The following PEBP4 variants were observed in gnomAD, a reference collection of about 807,000 sequenced individuals.
PEBP4 encodes the protein phosphatidylethanolamine-binding protein 4.
PEBP4 carries 22 observed loss-of-function variants against 23.9 expected under a neutral mutation model. That is an observed-to-expected ratio of 0.92 (90% CI 0.66 to 1.31). The LOEUF (loss-of-function observed/expected upper bound fraction) is 1.31, where lower values mean the gene tolerates loss of function less well. Ranked by LOEUF, PEBP4 falls within the 40% of genes most tolerant of loss-of-function variation. The pLI is 0.00. For missense variants in PEBP4, 324 were observed against 281.7 expected (o/e 1.15, Z -1.07); for synonymous variants, 112 against 99.3 (o/e 1.13, Z -0.76).
rs555617347 is a variant in PEBP4 at position 22,912,168 on chromosome 8, G to A, written c.258+8016C>T. Among the ~76,000 whole-genome samples the A allele has an allele frequency of 3.9e-5, 6 of 152,306 alleles. No individual in the cohort carries two copies. In the South Asian group the frequency reaches 1.2e-3, roughly 32 times the overall value. On this transcript the variant is annotated intron_variant, in intron 3 of 6. Transcript: ENST00000256404. ...ATTAAGACTGGGAATCCTCCTAATG[G>A]AGCCACCCTGAGTAAGACAGTCGCC...
intron 3 of PEBP4, among the ~76,000 whole-genome samples, chr8:22,839,243 ATCACGGGAT>A (rs974381133): frequency 1.4e-4 from 21 of 152,148 alleles, no homozygotes; most frequent in Non-Finnish European, 2.9e-5. Flanking sequence ...GGTGTTGGTC[ATCACGGGAT>A]TCAGCCCCAG....
intron 3 of PEBP4, among the ~76,000 whole-genome samples, chr8:22,895,035 G>A (rs1808563736): frequency 6.6e-6 from 1 of 152,176 alleles, no homozygotes; most frequent in Non-Finnish European, 1.5e-5. Flanking sequence ...TGAAACAGTA[G>A]ACTTTCACAC....
chr8:22,912,210 C>A (rs1369241903), intron 3 of PEBP4, among the ~76,000 whole-genome samples: 3 of 152,170 alleles, frequency 2.0e-5, no homozygotes, highest in Non-Finnish European at 4.4e-5. Context: ...CGTGGCCGTT[C>A]TGTTAAGGTT....
intron 3 of PEBP4, among the ~76,000 whole-genome samples, chr8:22,824,835 G>A (rs1272525782): frequency 6.6e-6 from 1 of 152,124 alleles, no homozygotes; most frequent in African/African-American, 2.4e-5. Context: ...GGAATGATGG[G>A]GAGTGGCTGT....
chr8:22,848,769 C>T (rs185955394), intron 3 of PEBP4, among the ~76,000 whole-genome samples: 358 of 152,170 alleles, frequency 2.4e-3, no homozygotes, highest in Non-Finnish European at 3.7e-3. Context: ...AGGGAAGAGA[C>T]GATGATGAGT....
At chr8:22,856,064 A>AAG (rs1807640436) in intron 3 of PEBP4, among the ~76,000 whole-genome samples, 1 of 151,172 alleles carries the variant, frequency 6.6e-6, no homozygotes, top group South Asian at 2.1e-4. Flanking sequence ...AAAAAAAAAA[A>AAG]AAAGGAAACC....
chr8:22,934,346 C>A (rs556952746), intron 1 of PEBP4, among the ~76,000 whole-genome samples: 4 of 152,202 alleles, frequency 2.6e-5, no homozygotes, highest in African/African-American at 9.6e-5. Context: ...TGTTTGTATG[C>A]AATTGAAGTT....
chr8:22,802,958 C>T (rs1242254129), intron 4 of PEBP4, among the ~76,000 whole-genome samples: 1 of 152,174 alleles, frequency 6.6e-6, no homozygotes, highest in African/African-American at 2.4e-5. Flanking sequence ...AGCAGCGTCA[C>T]CAGCTAGCAA....
At chr8:22,882,333 T>G (rs1311690484) in intron 3 of PEBP4, among the ~76,000 whole-genome samples, 1 of 152,302 alleles carries the variant, frequency 6.6e-6, no homozygotes, top group African/African-American at 2.4e-5. Flanking sequence ...ACCCAGACAG[T>G]GCTGGCCACA....
At chr8:22,932,198 A>G (rs1009113754), upstream of PEBP4, among the ~76,000 whole-genome samples, 11 of 152,204 alleles carry the variant, frequency 7.2e-5, no homozygotes, top group Non-Finnish European at 7.3e-5. Flanking sequence ...GCAAATACAC[A>G]GGGACAGAAA....
intron 4 of PEBP4, among the ~76,000 whole-genome samples, chr8:22,749,847 C>CCCAGCCTG (rs1289202699): frequency 1.9e-5 from 2 of 104,964 alleles, no homozygotes; most frequent in Non-Finnish European, 3.9e-5. Context: ...GCTCTTGTTG[C>CCCAGCCTG]CCAGCCTGGA....
At chr8:22,738,456 C>G (rs1804917453) in intron 4 of PEBP4, among the ~76,000 whole-genome samples, 1 of 152,162 alleles carries the variant, frequency 6.6e-6, no homozygotes, top group Non-Finnish European at 1.5e-5. Flanking sequence ...CCAGAAACTG[C>G]TCGGTGATGG....
chr8:22,791,092 A>G (rs1806127416), intron 4 of PEBP4, among the ~76,000 whole-genome samples: 1 of 152,146 alleles, frequency 6.6e-6, no homozygotes, highest in African/African-American at 2.4e-5. Context: ...TTGCTGCACC[A>G]TTGCCCTAAA....
chr8:22,770,975 C>G (rs1805707224), intron 4 of PEBP4, among the ~76,000 whole-genome samples: 1 of 152,222 alleles, frequency 6.6e-6, no homozygotes, highest in Non-Finnish European at 1.5e-5. Context: ...TCTCAACTCA[C>G]TCACTCGTGA....
chr8:22,886,580 G>A (rs1808380817), intron 3 of PEBP4: 1 of 152,302 alleles, frequency 6.6e-6, no homozygotes, highest in Non-Finnish European at 1.5e-5. Context: ...CTTTCAGTTT[G>A]GAGCCATGCA....
chr8:22,837,986 T>A (rs890832432), intron 3 of PEBP4, among the ~76,000 whole-genome samples: 20 of 139,130 alleles, frequency 1.4e-4, no homozygotes, highest in African/African-American at 5.3e-4. Context: ...GCAACCTCAA[T>A]CTCCTGGGCT....
upstream of PEBP4, chr8:22,928,009 G>T: frequency 2.7e-6 from 1 of 368,312 alleles, no homozygotes; most frequent in Non-Finnish European, 5.0e-6. Flanking sequence ...CTGGCTGCCA[G>T]GGCAGAGAGC....
At chr8:22,850,113 AG>A (rs1370228337) in intron 3 of PEBP4, among the ~76,000 whole-genome samples, 72 of 151,728 alleles carry the variant, frequency 4.7e-4, no homozygotes, top group African/African-American at 1.6e-3. Flanking sequence ...CTACTCTTTA[AG>A]AAAAAAAAAA....
intron 4 of PEBP4, among the ~76,000 whole-genome samples, chr8:22,800,939 T>C (rs1194146076): frequency 6.6e-6 from 1 of 151,982 alleles, no homozygotes. Flanking sequence ...CTTGGACACT[T>C]TCCTCCTTGC....
Sources: allele counts gnomAD v4.1 joint callset (sites outside exome capture counted in the v4.1 genomes callset), GRCh38; gene constraint gnomAD v4.1.1; transcripts MANE v1.5; gene names NCBI Gene and HGNC (gene_info 2026-07-23, HGNC 2026-07-21).